Variants in ZNF69 observed in about 807,000 individuals in gnomAD.
ZNF69 encodes the protein ZNF3.
ZNF69 carries 47 observed loss-of-function variants against 50.9 expected under a neutral mutation model. That is an observed-to-expected ratio of 0.92 (90% confidence interval 0.73 to 1.18). ZNF69 has a LOEUF of 1.18. Ranked by LOEUF, ZNF69 falls within the 50% of genes most tolerant of loss-of-function variation. ZNF69 has a pLI of 0.00. For synonymous variants in ZNF69, 216 were observed against 223.1 expected, an observed-to-expected ratio of 0.97 and a Z score of 0.29; for missense variants, 717 against 675.1, an observed-to-expected ratio of 1.06 and a Z score of -0.69.
the ZNF69 span, among the ~76,000 whole-genome samples, chr19:11,935,175 CA>C: frequency 0.025 from 1,117 of 44,386 alleles, 7 homozygotes; most frequent in African/African-American, 0.051. Flanking sequence ...GACTCCGTCT[CA>C]AAAAAAAAAA....
At chr19:11,974,264 T>C in the ZNF69 span, among the ~76,000 whole-genome samples, 1 of 151,240 alleles carries the variant, frequency 6.6e-6, no homozygotes, top group South Asian at 2.1e-4. Context: ...TGGCATGATC[T>C]CAGCTCACTG....
the ZNF69 span, chr19:11,949,352 A>G: frequency 6.2e-7 from 1 of 1,613,826 alleles, no homozygotes; most frequent in East Asian, 2.2e-5. Flanking sequence ...CACACTGGAG[A>G]GAAACCCTAT....
chr19:11,947,022 A>G, the ZNF69 span: 1 of 1,246,134 alleles, frequency 8.0e-7, no homozygotes, highest in Non-Finnish European at 1.1e-6. Flanking sequence ...TGCTTTATGG[A>G]AGAAAGTAAG....
chr19:11,956,937 C>T, the ZNF69 span, among the ~76,000 whole-genome samples: 6 of 152,194 alleles, frequency 3.9e-5, no homozygotes, highest in East Asian at 3.9e-4. Flanking sequence ...ATGGGAGGAG[C>T]GCTTTATACT....
the ZNF69 span, among the ~76,000 whole-genome samples, chr19:11,976,488 A>G: frequency 3.3e-5 from 5 of 149,420 alleles, no homozygotes; most frequent in African/African-American, 5.0e-5. Flanking sequence ...CTCAGGAGGA[A>G]GAGGTTGTAG....
chr19:11,950,977 C>T, the ZNF69 span, among the ~76,000 whole-genome samples: 3 of 151,592 alleles, frequency 2.0e-5, no homozygotes, highest in African/African-American at 7.3e-5. Flanking sequence ...GTGGTGAAAC[C>T]CTGTCTCTAC....
chr19:11,966,908 A>C, the ZNF69 span, among the ~76,000 whole-genome samples: 1 of 152,202 alleles, frequency 6.6e-6, no homozygotes, highest in South Asian at 2.1e-4. Flanking sequence ...TCAGTCCTCC[A>C]AAATTGGAAG....
the ZNF69 span, among the ~76,000 whole-genome samples, chr19:11,941,155 T>C: frequency 6.6e-6 from 1 of 152,246 alleles, no homozygotes; most frequent in African/African-American, 2.4e-5. Context: ...AGAGTGCCGA[T>C]TGGTGCATTT....
chr19:11,965,215 C>A, the ZNF69 span: 1 of 1,613,894 alleles, frequency 6.2e-7, no homozygotes, highest in Non-Finnish European at 8.5e-7. Flanking sequence ...GGAAATGGTG[C>A]GTGTGCATAG....
chr19:11,888,573 A>C (rs1977005190), intron 1 of ZNF69, among the ~76,000 whole-genome samples: 1 of 152,184 alleles, frequency 6.6e-6, no homozygotes, highest in Non-Finnish European at 1.5e-5. Context: ...AGTGGTCCCG[A>C]GGCGGCTCAA....
the ZNF69 span, chr19:11,948,792 T>C: frequency 1.9e-6 from 3 of 1,611,172 alleles, no homozygotes; most frequent in East Asian, 6.7e-5. Flanking sequence ...AACAATGTGG[T>C]AAATCCTTTA....
the ZNF69 span, chr19:11,946,922 C>T: frequency 5.1e-5 from 29 of 568,222 alleles, no homozygotes; most frequent in Non-Finnish European, 7.5e-5. Context: ...ATCGCTTGAA[C>T]CCCGGTGGTG....
chr19:11,889,640 C>T (rs1003519969), intron 1 of ZNF69, among the ~76,000 whole-genome samples: 1 of 152,190 alleles, frequency 6.6e-6, no homozygotes, highest in African/African-American at 2.4e-5. Context: ...GCCCCTCCAC[C>T]CCTGTGGGTG....
chr19:11,974,126 TTTTC>T, the ZNF69 span, among the ~76,000 whole-genome samples: 1,325 of 54,910 alleles, frequency 0.024, 24 homozygotes, highest in Admixed American at 0.052. Context: ...TCTTTCTTTC[TTTTC>T]TTTCTTTCTT....
chr19:11,914,975 G>A (rs1030478652), downstream of ZNF69, among the ~76,000 whole-genome samples: 3 of 152,170 alleles, frequency 2.0e-5, no homozygotes, highest in Non-Finnish European at 2.9e-5. Flanking sequence ...AGTCCAAAGC[G>A]GGTGGATCAC....
intron 1 of ZNF69, among the ~76,000 whole-genome samples, chr19:11,893,037 G>A (rs920767087): frequency 1.2e-4 from 18 of 152,200 alleles, no homozygotes; most frequent in Admixed American, 2.6e-4. Flanking sequence ...GTTTTACCAC[G>A]TTAGCCAGGC....
the ZNF69 span, chr19:11,965,361 G>A: frequency 5.8e-5 from 65 of 1,116,094 alleles, no homozygotes; most frequent in Non-Finnish European, 7.6e-5. Flanking sequence ...CGGTCCCCTC[G>A]GCCGCTGGAT....
At chr19:11,979,624 C>T in the ZNF69 span, 3 of 1,605,716 alleles carry the variant, frequency 1.9e-6, no homozygotes, top group Non-Finnish European at 2.6e-6. Context: ...GAGAGAAACC[C>T]TATGAGTGTA....
chr19:11,931,919 CACCCT>C, the ZNF69 span, among the ~76,000 whole-genome samples: 6 of 147,916 alleles, frequency 4.1e-5, no homozygotes, highest in East Asian at 9.7e-4. Context: ...AGTTCAAGAT[CACCCT>C]GACGAGCATG....
Sources: gnomAD v4.1 joint callset for allele counts (sites outside exome capture counted in the v4.1 genomes callset) on GRCh38, gnomAD v4.1.1 for gene constraint, MANE v1.5 for transcripts, NCBI Gene and HGNC (gene_info 2026-07-23, HGNC 2026-07-21) for gene names.